Variants in IMPDH2 observed in about 807,000 individuals in gnomAD.
The protein encoded by IMPDH2 is inosine monophosphate dehydrogenase 2.
In IMPDH2, 33 loss-of-function variants were observed where a neutral mutation model predicts 57.8. The observed-to-expected ratio is 0.57, with a 90% CI of 0.43 to 0.76. IMPDH2 has a LOEUF of 0.76. Among genes scored for constraint, IMPDH2 ranks in the 30% least tolerant of loss-of-function variants. IMPDH2 has a pLI of 0.00. For missense variants in IMPDH2, 446 were observed against 659.1 expected, an observed-to-expected ratio of 0.68 and a Z score of 3.54; for synonymous variants, 270 against 241.3, an observed-to-expected ratio of 1.12 and a Z score of -1.10.
chr3:49,027,784 G>A lies in IMPDH2; in HGVS notation c.457C>T (p.Arg153Cys), dbSNP rs369552560. ...CTGGAGGAGATGATGCCCACCAAGCGGCTCCCCATCCGGCCTGTGTCTGTG... is the reference window on the plus strand; with the variant it reads ...CTGGAGGAGATGATGCCCACCAAGCAGCTCCCCATCCGGCCTGTGTCTGTG... The part of the protein sequence containing the change: ...PITDTGRMGS[R>C]LVGIISSRDI... Residue 153 changes from arginine (R) to cysteine (C), a missense_variant, in exon 5 of 14, where the codon CGC becomes TGC. Physicochemically the swap from Arg to Cys is radical, Grantham distance 180 (BLOSUM62 -3). Coordinates refer to ENST00000326739, the MANE Select transcript of IMPDH2 (RefSeq NM_000884.3). The A allele has an allele frequency of 1.4e-4, 220 of 1,614,096 alleles. No homozygotes were observed. The highest frequency in any genetic ancestry group is 4.9e-4 in the Middle Eastern group (3 of 6,084).
At position 49,028,400 on chromosome 3, in the gene IMPDH2, T is replaced by C. The variant is rs775271694; in HGVS notation, c.249+31A>G. On this transcript the variant is annotated intron_variant, in intron 3 of 13. Coordinates refer to ENST00000326739, the MANE Select transcript of IMPDH2 (RefSeq NM_000884.3). Reference sequence around the variant, plus strand: ...CTTTGGGGAAAGGCGATGGAGTCCTTGCTCCTTCCCCCACACCCCATGGGG... The same window carrying C: ...CTTTGGGGAAAGGCGATGGAGTCCTCGCTCCTTCCCCCACACCCCATGGGG... 16 of 1,604,722 alleles carry C rather than the reference T, an allele frequency of 1.0e-5. No individual in the cohort carries two copies. In the Admixed American group the frequency reaches 2.7e-4, roughly 27 times the overall value.
chr3:49,026,572 AT>A lies in IMPDH2; in HGVS notation c.856del (p.Met286Ter), dbSNP rs1259447354. On this transcript the variant is annotated frameshift_variant, in exon 8 of 14. Transcript: ENST00000326739. LOFTEE classifies it high-confidence loss of function. ...SQGNSIFQIN[M>X]IKYIKDKYPN... ...GTATTTGTCTTTGATGTACTTGATCATATTGATCTGGAAGATGGAATTTCCC... is the reference window on the plus strand; with the variant it reads ...GTATTTGTCTTTGATGTACTTGATCAATTGATCTGGAAGATGGAATTTCCC... The A allele has an allele frequency of 1.2e-6, 2 of 1,613,882 alleles. No individual in the cohort carries two copies. The highest frequency in any genetic ancestry group is 2.7e-5 in the African/African-American group (2 of 74,940).
In IMPDH2 at chr3:49,028,826, A is replaced by G. The variant is rs1385885528; in HGVS notation, c.99-20T>C. The G allele has an allele frequency of 6.2e-7, 1 of 1,607,814 alleles. No homozygotes were observed. Among genetic ancestry groups the G allele is most frequent in the Non-Finnish European group, 8.5e-7 (1 of 1,174,326 alleles). On this transcript the variant is annotated intron_variant, in intron 1 of 13. Coordinates refer to ENST00000326739, the MANE Select transcript of IMPDH2 (RefSeq NM_000884.3). Reference sequence around the variant, plus strand: ...AAGTCACTGCGAGGGAAGGGAGTGAATTGGGAGTAAAGCTCTCAGCTTAGG... The same window carrying G: ...AAGTCACTGCGAGGGAAGGGAGTGAGTTGGGAGTAAAGCTCTCAGCTTAGG...
Position 49,026,598 on chromosome 3 carries a change from C to T in IMPDH2, c.831G>A (p.Gln277=). Residue 277 remains glutamine, a synonymous_variant, in exon 8 of 14, where the codon CAG becomes CAA. Coordinates refer to ENST00000326739, the MANE Select transcript of IMPDH2 (RefSeq NM_000884.3). ...GVDVVVLDSS[Q]GNSIFQINMI... ...TATTGATCTGGAAGATGGAATTTCC[C>T]TGGGAAGAGTCCTAGGACAAGAAGT... 6.2e-7 allele frequency: 1 copy of T among 1,613,828 alleles called. No homozygotes were observed. Among genetic ancestry groups the T allele is most frequent in the South Asian group, 1.1e-5 (1 of 91,078 alleles).
In IMPDH2 at chr3:49,027,635, G is replaced by A. The variant is rs1167993411; in HGVS notation, c.531+75C>T. On this transcript the variant is annotated intron_variant, in intron 5 of 13. Transcript: ENST00000326739. Reference sequence around the variant, plus strand: ...CCAGAGAGAAGAGGCTATCAGAGATGTCTTAGACAACAGAAGCCCCTTGTC... The same window carrying A: ...CCAGAGAGAAGAGGCTATCAGAGATATCTTAGACAACAGAAGCCCCTTGTC... 8 of 1,241,094 alleles carry A rather than the reference G, an allele frequency of 6.4e-6. No homozygotes were observed. The South Asian group carries it at 8.5e-5, about 13-fold the overall frequency. The allele number at this position is 1,241,094 out of a possible 1,614,324, so 76.9% of individuals were successfully genotyped here.
intron 4 of IMPDH2, 51 bp downstream of exon 4, chr3:49,028,197 A>G: frequency 2.1e-6 from 3 of 1,432,498 alleles, no homozygotes; most frequent in Non-Finnish European, 3.0e-6. Context: ...ACCCCACCCC[A>G]CCTCAGTGCA....
At chr3:49,025,840 G>A (rs2093196217) in intron 9 of IMPDH2, among the ~76,000 whole-genome samples, 1 of 152,210 alleles carries the variant, frequency 6.6e-6, no homozygotes, top group African/African-American at 2.4e-5. Flanking sequence ...GGAAGAGGGA[G>A]CTATGTTCTT....
chr3:49,026,699 A>G lies in IMPDH2; in HGVS notation c.807T>C (p.Asp269=), dbSNP rs1432449883. Residue 269 remains aspartate, a synonymous_variant, in exon 7 of 14, where the codon GAT becomes GAC. Transcript: ENST00000326739. ...TGTAGCAGCTCACCAAAACCACTAC[A>G]TCCACACCAGCCTGGGCGAGCAAGT... ...RLDLLAQAGV[D]VVVLDSSQGN... 1 of 1,614,128 alleles carries G rather than the reference A, an allele frequency of 6.2e-7. No homozygotes were observed. The highest frequency in any genetic ancestry group is 8.5e-7 in the Non-Finnish European group (1 of 1,180,020).
At chr3:49,027,622 G>A in intron 5 of IMPDH2, 88 bp downstream of exon 5, 1 of 1,094,546 alleles carries the variant, frequency 9.1e-7, no homozygotes, top group Non-Finnish European at 1.4e-6. Flanking sequence ...AGAGAGAAGA[G>A]GCTATCAGAG....
chr3:49,027,071 G>A (rs948306045), intron 5 of IMPDH2, 24 bp from the exon 6 acceptor site: 3 of 1,539,730 alleles, frequency 1.9e-6, no homozygotes, highest in Non-Finnish European at 2.7e-6. Context: ...GAGATGTGAA[G>A]AAGGGCCAGT....
chr3:49,024,408 C>G lies in IMPDH2; in HGVS notation c.1524-4G>C, dbSNP rs1023118996. 6.2e-7 allele frequency: 1 copy of G among 1,614,104 alleles called. No individual in the cohort carries two copies. Among genetic ancestry groups the G allele is most frequent in the Non-Finnish European group, 8.5e-7 (1 of 1,180,014 alleles). On this transcript the variant is annotated splice_region_variant and splice_polypyrimidine_tract_variant and intron_variant, in intron 13 of 13. Coordinates refer to ENST00000326739, the MANE Select transcript of IMPDH2 (RefSeq NM_000884.3). ...TCAGAAAAGCCGCTTCTCATACCTGCAGGCAGAAGGACCACCTGTGAGGTG... is the reference window on the plus strand; with the variant it reads ...TCAGAAAAGCCGCTTCTCATACCTGGAGGCAGAAGGACCACCTGTGAGGTG...
chr3:49,024,739 G>C lies in IMPDH2; in HGVS notation c.1359C>G (p.Ile453Met), dbSNP rs1460021836. The part of the protein sequence containing the change: ...VSGAVQDKGS[I>M]HKFVPYLIAG... Reference sequence around the variant, plus strand: ...CAATCAGGTAAGGGACAAATTTGTGGATTGACCCTTTGTCCTGCACAGCAC... The same window carrying C: ...CAATCAGGTAAGGGACAAATTTGTGCATTGACCCTTTGTCCTGCACAGCAC... The change falls in exon 12 of 14, where the codon ATC becomes ATG. Residue 453 changes from isoleucine to methionine, a missense_variant. Coordinates refer to ENST00000326739, the MANE Select transcript of IMPDH2 (RefSeq NM_000884.3). 3.1e-6 allele frequency: 5 copies of C among 1,614,064 alleles called. No homozygotes were observed. Among genetic ancestry groups the C allele is most frequent in the Non-Finnish European group, 4.2e-6 (5 of 1,180,040 alleles).
intron 9 of IMPDH2, 111 bp downstream of exon 9, chr3:49,026,213 C>G: frequency 1.2e-6 from 1 of 832,040 alleles, no homozygotes; most frequent in South Asian, 1.5e-5. Context: ...AATTTGGCCC[C>G]AGGGTTGCCC....
chr3:49,025,483 T>C (rs762776659), intron 9 of IMPDH2: 3 of 576,460 alleles, frequency 5.2e-6, no homozygotes, highest in Non-Finnish European at 9.3e-6. Context: ...CATGTGCACG[T>C]GCATGTGTGC....
intron 1 of IMPDH2, 101 bp from the exon 2 acceptor site, chr3:49,028,907 G>A (rs919121434): frequency 1.2e-5 from 11 of 923,344 alleles, no homozygotes; most frequent in South Asian, 5.5e-5. Flanking sequence ...TGTGAGCAGA[G>A]AGTGGCACTG....
rs1351616696 is a variant in IMPDH2 at position 49,026,832 on chromosome 3, G to C, written c.674C>G (p.Thr225Arg). The C allele has an allele frequency of 3.7e-6, 6 of 1,614,128 alleles. No individual in the cohort carries two copies. The highest frequency in any genetic ancestry group is 5.1e-6 in the Non-Finnish European group (6 of 1,180,054). ...DDELVAIIARTDLKKNRDYPL... is the reference protein window; with the variant it reads ...DDELVAIIARRDLKKNRDYPL... ...GTAGTCCCGATTCTTCTTCAGGTCT[G>C]TCCGGGCAATGATGGCCACAAGCTC... Residue 225 changes from threonine (T) to arginine (R), a missense_variant, in exon 7 of 14, where the codon ACA (threonine) becomes AGA (arginine). Thr to Arg is a moderately conservative substitution (Grantham distance 71). Transcript: ENST00000326739.
At chr3:49,027,198 G>T (rs964673318) in intron 5 of IMPDH2, 151 bp from the exon 6 acceptor site, 1 of 674,452 alleles carries the variant, frequency 1.5e-6, no homozygotes, top group African/African-American at 1.8e-5. Context: ...GTTTCACCAT[G>T]TTGGCCAGGC....
In IMPDH2 at chr3:49,028,750, A is replaced by G. The variant is rs771933998; in HGVS notation, c.147+8T>C. 2 of 1,611,542 alleles carry G rather than the reference A, an allele frequency of 1.2e-6. No homozygotes were observed. Among genetic ancestry groups the G allele is most frequent in the South Asian group, 1.1e-5 (1 of 91,030 alleles). On this transcript the variant is annotated splice_region_variant and intron_variant, in intron 2 of 13. Coordinates refer to ENST00000326739, the MANE Select transcript of IMPDH2 (RefSeq NM_000884.3). The stretch of plus-strand genomic sequence containing the variant: ...GATGTTCAGGACCCAATTCCTGATC[A>G]TACTCACCACCTGGTCTGCAGTGAA...
At position 49,027,873 on chromosome 3, in the gene IMPDH2, G is replaced by A. The variant is rs142797363; in HGVS notation, c.368C>T (p.Pro123Leu). 1 of 1,614,188 alleles carries A rather than the reference G, an allele frequency of 6.2e-7. No individual in the cohort carries two copies. Among genetic ancestry groups the A allele is most frequent in the South Asian group, 1.1e-5 (1 of 91,082 alleles). Residue 123 changes from proline (P) to leucine (L), a missense_variant, in exon 5 of 14, where the codon CCC becomes CTC. Transcript: ENST00000326739. ...GFITDPVVLS[P>L]KDRVRDVFEA... ...AAAAACATCCCGCACGCGATCCTTG[G>A]GGCTGAGGACCACAGGGTCTGTGAT...
Sources: allele counts gnomAD v4.1 joint callset (sites outside exome capture counted in the v4.1 genomes callset), GRCh38; gene constraint gnomAD v4.1.1; transcripts MANE v1.5; gene names NCBI Gene and HGNC (gene_info 2026-07-23, HGNC 2026-07-21).